Variants in NUP210 observed in about 807,000 individuals in gnomAD.
NUP210 encodes the protein nuclear pore membrane glycoprotein 210.
NUP210 carries 151 observed loss-of-function variants against 196.0 expected under a neutral mutation model. The observed-to-expected ratio is 0.77, with a 90% CI of 0.67 to 0.88. NUP210 has a LOEUF of 0.88. Ranked by LOEUF, NUP210 falls within the 40% of genes least tolerant of loss-of-function variation. The pLI, the probability that NUP210 is intolerant of heterozygous loss-of-function variation, is 0.00. For missense variants in NUP210, 2,314 were observed against 2,493.7 expected (o/e 0.93, Z 1.53); for synonymous variants, 1,070 against 1,052.7 (o/e 1.02, Z -0.32).
chr3:13,358,893 G>A (rs748670327), intron 15 of NUP210, among the ~76,000 whole-genome samples: 7 of 152,196 alleles, frequency 4.6e-5, no homozygotes, highest in Non-Finnish European at 1.0e-4. Context: ...CCTGCCCTCC[G>A]CCTGCTCATG....
chr3:13,325,942 A>G lies in NUP210; in HGVS notation c.4508-11T>C. 1 of 1,613,524 alleles carries G rather than the reference A, an allele frequency of 6.2e-7. No homozygotes were observed. The highest frequency in any genetic ancestry group is 8.5e-7 in the Non-Finnish European group (1 of 1,179,890). Reference sequence around the variant, plus strand: ...AGGTTCCTGAGAGGCCTGGAGAGGAAGCACAGGTGTCAGCCCCCTTTCCAT... The same window carrying G: ...AGGTTCCTGAGAGGCCTGGAGAGGAGGCACAGGTGTCAGCCCCCTTTCCAT... On this transcript the variant is annotated splice_polypyrimidine_tract_variant and intron_variant, in intron 32 of 39. Transcript: ENST00000254508.
chr3:13,415,532 C>G (rs1028449505), intron 1 of NUP210, among the ~76,000 whole-genome samples: 2 of 152,158 alleles, frequency 1.3e-5, no homozygotes, highest in African/African-American at 4.8e-5. Context: ...AGCATGCACA[C>G]AAATTGAGTG....
intron 14 of NUP210, among the ~76,000 whole-genome samples, chr3:13,365,693 C>T (rs1041077062): frequency 3.3e-5 from 5 of 152,186 alleles, no homozygotes; most frequent in African/African-American, 4.8e-5. Flanking sequence ...GCTGGCAGGT[C>T]GGTGTCCTGC....
intron 28 of NUP210, among the ~76,000 whole-genome samples, chr3:13,334,051 T>C (rs549647421): frequency 3.3e-5 from 5 of 152,278 alleles, no homozygotes; most frequent in Non-Finnish European, 5.9e-5. Flanking sequence ...ACACCATATC[T>C]TTAGGACATG....
In NUP210 at chr3:13,420,283, G is replaced by A. The variant is rs1700494785; in HGVS notation, c.-57C>T. 1 of 1,014,316 alleles carries A rather than the reference G, an allele frequency of 9.9e-7. No individual in the cohort carries two copies. The highest frequency in any genetic ancestry group is 1.2e-6 in the Non-Finnish European group (1 of 847,172). 62.8% of individuals were successfully genotyped at this position (1,014,316 alleles called of 1,614,324 possible). A position where few individuals can be genotyped will look rare whatever the true frequency, so the allele number is the denominator to read the frequency against. ...GCCCGGCCGCCCGCGCCGCCCCGTT[G>A]CCCTCCGCTCCCGCCCGCGCGCGCG... On this transcript the variant is annotated 5_prime_UTR_variant, in exon 1 of 40. Coordinates refer to ENST00000254508, the MANE Select transcript of NUP210 (RefSeq NM_024923.4). This position sits in a 1 kb window ranked among gnomAD's most constrained non-coding sequence, Gnocchi z 4.8.
rs181412529 is a variant in NUP210 at position 13,354,186 on chromosome 3, C to T, written c.2329-79G>A. On this transcript the variant is annotated intron_variant, in intron 16 of 39. Coordinates refer to ENST00000254508, the MANE Select transcript of NUP210 (RefSeq NM_024923.4). ...ACTGACCACGCAGTGCACTCTGAGG[C>T]CAGCAGCTGCCCTGTGGGCTCTTGG... The T allele has an allele frequency of 7.9e-5, 98 of 1,234,230 alleles. No individual in the cohort carries two copies. In the African/African-American group the frequency reaches 1.3e-3, roughly 16 times the overall value. The allele number at this position is 1,234,230 out of a possible 1,614,324, so 76.5% of individuals were successfully genotyped here.
rs372993282 is a variant in NUP210 at position 13,375,500 on chromosome 3, G to A, written c.1431+4C>T. ...TGCACGCAGAGGTGAGGGGTCTCACGTACCCTTATTGTGTACTGATAGGCG... is the reference window on the plus strand; with the variant it reads ...TGCACGCAGAGGTGAGGGGTCTCACATACCCTTATTGTGTACTGATAGGCG... On this transcript the variant is annotated splice_donor_region_variant and intron_variant, in intron 11 of 39. Coordinates refer to ENST00000254508, the MANE Select transcript of NUP210 (RefSeq NM_024923.4). 2.0e-5 allele frequency: 32 copies of A among 1,612,680 alleles called. No individual in the cohort carries two copies. The highest frequency in any genetic ancestry group is 3.3e-4 in the Middle Eastern group (2 of 6,070).
chr3:13,384,053 C>A (rs1433584858), intron 6 of NUP210, among the ~76,000 whole-genome samples: 1 of 152,202 alleles, frequency 6.6e-6, no homozygotes, highest in South Asian at 2.1e-4. Context: ...ACCTCCACCT[C>A]CTGGGTTCAA....
intron 20 of NUP210, 73 bp downstream of exon 20, chr3:13,351,806 T>C: frequency 1.0e-6 from 1 of 981,370 alleles, no homozygotes; most frequent in Non-Finnish European, 1.6e-6. Context: ...TTCAAAATGA[T>C]CAATCAATTA....
chr3:13,363,964 C>T (rs1698449315), intron 14 of NUP210, among the ~76,000 whole-genome samples: 1 of 152,246 alleles, frequency 6.6e-6, no homozygotes, highest in Admixed American at 6.5e-5. Flanking sequence ...AGAAGGTGCG[C>T]AGGGCAACCC....
At chr3:13,387,661 T>A (rs1699319336) in intron 5 of NUP210, among the ~76,000 whole-genome samples, 1 of 152,124 alleles carries the variant, frequency 6.6e-6, no homozygotes, top group Admixed American at 6.5e-5. Context: ...AACAAAAATA[T>A]CTCAGGGTTG....
At chr3:13,399,882 A>G in intron 1 of NUP210, 21 bp from the exon 2 acceptor site, 1 of 1,588,782 alleles carries the variant, frequency 6.3e-7, no homozygotes, top group Non-Finnish European at 8.6e-7. Flanking sequence ...AGAAGACAGC[A>G]TTTACTCTCT....
intron 14 of NUP210, among the ~76,000 whole-genome samples, chr3:13,360,826 C>A (rs1288368779): frequency 1.3e-5 from 2 of 152,182 alleles, no homozygotes; most frequent in Non-Finnish European, 2.9e-5. Context: ...CCTAACCTAA[C>A]AACACAATGG....
intron 6 of NUP210, among the ~76,000 whole-genome samples, chr3:13,383,444 G>A (rs753156787): frequency 2.7e-5 from 4 of 150,442 alleles, no homozygotes; most frequent in African/African-American, 4.9e-5. Context: ...GACCAAGCTC[G>A]TAAGTTTTCT....
intron 14 of NUP210, 133 bp from the exon 15 acceptor site, chr3:13,360,624 C>G (rs1045063095): frequency 7.2e-5 from 46 of 639,442 alleles, no homozygotes; most frequent in Non-Finnish European, 1.2e-4. Context: ...CTGTTTGAAA[C>G]TCATTCTCGT....
At chr3:13,357,176 G>A (rs1267652631) in intron 16 of NUP210, among the ~76,000 whole-genome samples, 1 of 152,200 alleles carries the variant, frequency 6.6e-6, no homozygotes, top group African/African-American at 2.4e-5. Flanking sequence ...GCATTCGCTG[G>A]TTCACTCATC....
Position 13,371,740 on chromosome 3 carries a change from C to T in NUP210, c.1786+94G>A, listed in dbSNP as rs533611929. 7.4e-4 allele frequency: 860 copies of T among 1,164,790 alleles called. 8 individuals are homozygous for T. In the African/African-American group the frequency reaches 0.012, roughly 16 times the overall value. The allele number at this position is 1,164,790 out of a possible 1,614,324, so 72.2% of individuals were successfully genotyped here. ...GTTGCAGCCCCTCTGCTGCCTCAAG[C>T]CCTCTCTTTGGGAATCTGGCGGTCC... On this transcript the variant is annotated intron_variant, in intron 13 of 39. Transcript: ENST00000254508.
rs781228097 is a variant in NUP210, at chr3:13,337,847, G to A, written c.3542C>T (p.Thr1181Met). 50 of 1,610,810 alleles carry A rather than the reference G, an allele frequency of 3.1e-5. No homozygotes were observed. The highest frequency in any genetic ancestry group is 2.7e-4 in the East Asian group (12 of 44,860). The change falls in exon 26 of 40, where the codon ACG becomes ATG. Residue 1181 changes from threonine (T) to methionine (M), a missense_variant. Transcript: ENST00000254508. ...AGGAGGTCCCCTCACCTGGGTGCCC[G>A]TCCTCATCCGCATGATGGGGGCGCG... Reference protein sequence around the residue: ...RIRAPIMRMRTGTQMPIYVTG... With the variant: ...RIRAPIMRMRMGTQMPIYVTG...
intron 1 of NUP210, among the ~76,000 whole-genome samples, chr3:13,404,035 C>T (rs925355995): frequency 2.0e-5 from 3 of 152,258 alleles, no homozygotes; most frequent in African/African-American, 7.2e-5. Context: ...CCCAACACCT[C>T]CTGGAGGCTG....
Sources: gnomAD v4.1 joint callset for allele counts (sites outside exome capture counted in the v4.1 genomes callset) on GRCh38, gnomAD v4.1.1 for gene constraint, Gnocchi (gnomAD v3.1) non-coding constraint, MANE v1.5 for transcripts, NCBI Gene and HGNC (gene_info 2026-07-23, HGNC 2026-07-21) for gene names.